Variants in CD99L2 observed in about 807,000 individuals in gnomAD.
CD99L2 encodes CD99 antigen-like protein 2.
In CD99L2, 24 loss-of-function variants were observed where a neutral mutation model predicts 27.3. The ratio of observed to expected loss-of-function variants is 0.88; its 90% CI spans 0.64 to 1.24. The LOEUF (loss-of-function observed/expected upper bound fraction) is 1.24, where lower values mean the gene tolerates loss of function less well. Among genes scored for constraint, CD99L2 ranks in the 50% most tolerant of loss-of-function variants. The pLI is 0.00. For missense variants in CD99L2, 255 were observed against 221.6 expected (o/e 1.15, Z -0.96); for synonymous variants, 97 against 87.9 (o/e 1.10, Z -0.58).
chrX:150,770,710 C>T (rs1349528761), intron 9 of CD99L2, among the ~76,000 whole-genome samples: 1 of 113,125 alleles, frequency 8.8e-6, no homozygotes, highest in East Asian at 2.8e-4. Flanking sequence ...TCAGCACCAT[C>T]CACAGGTCCG....
intron 1 of CD99L2, among the ~76,000 whole-genome samples, chrX:150,839,752 G>A (rs1266448381): frequency 9.2e-6 from 1 of 108,584 alleles, no homozygotes; most frequent in East Asian, 2.9e-4. Flanking sequence ...TGGGGTTGGG[G>A]GACCAGGTAT....
At chrX:150,893,998 G>A (rs782719935) in intron 1 of CD99L2, among the ~76,000 whole-genome samples, 18 of 112,069 alleles carry the variant, frequency 1.6e-4, no homozygotes, top group Non-Finnish European at 5.6e-5. Context: ...TTACAGGCAT[G>A]AGCCACTGCG....
chrX:150,824,640 G>GAGAAGAAGA (rs369112631), intron 2 of CD99L2, among the ~76,000 whole-genome samples: 1 of 64,694 alleles, frequency 1.5e-5, no homozygotes, highest in Non-Finnish European at 3.0e-5. Context: ...GAAGAAGGAG[G>GAGAAGAAGA]AGAAGAAGAA....
intron 1 of CD99L2, among the ~76,000 whole-genome samples, chrX:150,850,672 A>C (rs1384468723): frequency 1.8e-5 from 2 of 111,941 alleles, no homozygotes; most frequent in African/African-American, 6.5e-5. Flanking sequence ...ATTTTATCTC[A>C]TTCAATATGC....
chrX:150,857,362 C>G (rs1171312629), intron 1 of CD99L2, among the ~76,000 whole-genome samples: 1 of 109,932 alleles, frequency 9.1e-6, no homozygotes, highest in African/African-American at 3.3e-5. Flanking sequence ...ATAAAAACAG[C>G]AAGAGAAAAG....
intron 4 of CD99L2, among the ~76,000 whole-genome samples, chrX:150,800,608 G>C (rs1046475640): frequency 3.6e-5 from 4 of 111,317 alleles, no homozygotes; most frequent in Non-Finnish European, 7.5e-5. Flanking sequence ...AAGGATTTTG[G>C]TATTTGCAGG....
chrX:150,876,760 G>A (rs528564718), intron 1 of CD99L2, among the ~76,000 whole-genome samples: 2 of 111,933 alleles, frequency 1.8e-5, no homozygotes, highest in African/African-American at 6.5e-5. Flanking sequence ...AAAATGCCAC[G>A]GGGAAGAACA....
intron 1 of CD99L2, among the ~76,000 whole-genome samples, chrX:150,839,525 G>T (rs2046589275): frequency 9.0e-6 from 1 of 111,720 alleles, no homozygotes; most frequent in Non-Finnish European, 1.9e-5. Flanking sequence ...ACTGTAGTCA[G>T]GAAGAGAGTA....
At chrX:150,875,327 T>C (rs73232305) in intron 1 of CD99L2, among the ~76,000 whole-genome samples, 9 of 112,325 alleles carry the variant, frequency 8.0e-5, no homozygotes, top group Non-Finnish European at 1.3e-4. Context: ...GACATTGATA[T>C]AACCACACAT....
At chrX:150,893,760 G>A (rs2047558649) in intron 1 of CD99L2, among the ~76,000 whole-genome samples, 1 of 110,181 alleles carries the variant, frequency 9.1e-6, no homozygotes, top group Non-Finnish European at 1.9e-5. Flanking sequence ...CTGTCGCCCA[G>A]ACTGGAGTGC....
intron 8 of CD99L2, 41 bp from the exon 9 acceptor site, chrX:150,776,334 G>C (rs782195122): frequency 2.2e-5 from 25 of 1,158,922 alleles, no homozygotes; most frequent in Non-Finnish European, 2.9e-5. Context: ...GGTGAGGTCA[G>C]AGACAAAGCA....
chrX:150,774,985 G>A (rs2043525367), intron 9 of CD99L2, among the ~76,000 whole-genome samples: 1 of 112,682 alleles, frequency 8.9e-6, no homozygotes, highest in Non-Finnish European at 1.9e-5. Context: ...GAACAGTTTC[G>A]CAGGCTGCGC....
In CD99L2 at chrX:150,766,505, C is replaced by T. The variant is rs1286096241; in HGVS notation, c.*2529G>A. On this transcript the variant is annotated 3_prime_UTR_variant, in exon 11 of 11. Transcript: ENST00000370377. ...CAGCCCCTGTCCCAGAGCCTCCCCTCTGGGTCCCACCCCAGAAGCCACGCA... is the reference window on the plus strand; with the variant it reads ...CAGCCCCTGTCCCAGAGCCTCCCCTTTGGGTCCCACCCCAGAAGCCACGCA... 9.0e-6 allele frequency: 1 copy of T among 111,683 alleles called. No homozygotes were observed. The highest frequency in any genetic ancestry group is 2.8e-4 in the East Asian group (1 of 3,529). 9.2% of individuals were successfully genotyped at this position (111,683 alleles called of 1,213,427 possible).
In CD99L2 at chrX:150,767,912, C is replaced by G. The variant is rs1183789665; in HGVS notation, c.*1122G>C. ...TCCAGGAAACCAGCTCTGCTCCAGC[C>G]CAAACCAGGCAGCTCCACGCCAGGT... On this transcript the variant is annotated 3_prime_UTR_variant, in exon 11 of 11. Coordinates refer to ENST00000370377, the MANE Select transcript of CD99L2 (RefSeq NM_031462.4). 1 of 111,907 alleles carries G rather than the reference C, an allele frequency of 8.9e-6. No individual in the cohort carries two copies. The highest frequency in any genetic ancestry group is 1.9e-5 in the Non-Finnish European group (1 of 53,130). 9.2% of individuals were successfully genotyped at this position (111,907 alleles called of 1,213,427 possible).
chrX:150,819,790 TA>T (rs781849457), intron 2 of CD99L2, among the ~76,000 whole-genome samples: 1 of 111,812 alleles, frequency 8.9e-6, no homozygotes, highest in East Asian at 2.8e-4. Context: ...CACAACTACC[TA>T]AACTGACTTG....
At chrX:150,838,994 T>C (rs1557421297) in intron 1 of CD99L2, among the ~76,000 whole-genome samples, 1 of 107,226 alleles carries the variant, frequency 9.3e-6, no homozygotes, top group Non-Finnish European at 1.9e-5. Context: ...CTATAGGCTA[T>C]TGATAAAATG....
chrX:150,892,605 C>CAAAAA (rs782464097), intron 1 of CD99L2, among the ~76,000 whole-genome samples: 14 of 30,183 alleles, frequency 4.6e-4, no homozygotes, highest in East Asian at 1.7e-3. Context: ...GACTCTGTCT[C>CAAAAA]AAAAAAAAAA....
intron 7 of CD99L2, among the ~76,000 whole-genome samples, chrX:150,790,610 T>C (rs1277818359): frequency 1.4e-4 from 16 of 111,549 alleles, no homozygotes; most frequent in Middle Eastern, 4.3e-3. Context: ...GGGGTATGAG[T>C]TAGCAATTCT....
rs782213581 is a variant in CD99L2 at position 150,769,079 on chromosome X, CG to C, written c.743del (p.Thr248SerfsTer61). The C allele has an allele frequency of 8.6e-7, 1 of 1,162,386 alleles. No individual in the cohort carries two copies. The highest frequency in any genetic ancestry group is 2.9e-5 in the Admixed American group (1 of 34,377). On this transcript the variant is annotated frameshift_variant, in exon 11 of 11. Coordinates refer to ENST00000370377, the MANE Select transcript of CD99L2 (RefSeq NM_031462.4). LOFTEE classifies it high-confidence loss of function. ...GCGGCGGCGGCGGCTCTGCAGACTG[CG>C]TGTGCAACGTGGAGTATTTCACTAG... ...EPQVKYSTLH[T>X]QSAEPPPPPE...
Sources: allele counts gnomAD v4.1 joint callset (sites outside exome capture counted in the v4.1 genomes callset), GRCh38; gene constraint gnomAD v4.1.1; transcripts MANE v1.5; gene names NCBI Gene and HGNC (gene_info 2026-07-23, HGNC 2026-07-21).